The following RCOR1 variants were observed in gnomAD, a reference collection of about 807,000 sequenced individuals.
The protein encoded by RCOR1 is REST corepressor 1.
RCOR1 carries 12 observed loss-of-function variants against 64.0 expected under a neutral mutation model. The observed-to-expected ratio is 0.19, with a 90% CI of 0.12 to 0.30. The LOEUF (loss-of-function observed/expected upper bound fraction) is 0.30. Ranked by LOEUF, RCOR1 falls within the 10% of genes least tolerant of loss-of-function variation. The probability of loss-of-function intolerance (pLI) is 1.00; values close to 1 mark genes in which losing one functional copy is unlikely to be tolerated. For missense variants in RCOR1, 502 were observed against 621.2 expected, an observed-to-expected ratio of 0.81 and a Z score of 2.04; for synonymous variants, 279 against 227.2, an observed-to-expected ratio of 1.23 and a Z score of -2.05.
intron 2 of RCOR1, among the ~76,000 whole-genome samples, chr14:102,635,594 G>A (rs925047075): frequency 6.6e-5 from 10 of 152,100 alleles, no homozygotes; most frequent in Non-Finnish European, 1.3e-4. Flanking sequence ...TATTAAAATT[G>A]TATGCAATAA....
At chr14:102,636,400 C>G (rs1333258377) in intron 2 of RCOR1, among the ~76,000 whole-genome samples, 1 of 151,974 alleles carries the variant, frequency 6.6e-6, no homozygotes, top group Non-Finnish European at 1.5e-5. Flanking sequence ...GCCTCAGCCT[C>G]CCAAGTAGCT....
rs1011057252 is a variant in RCOR1 at position 102,601,137 on chromosome 14, G to A, written c.361+7812G>A. ...CCAGGCTGCAAAGGTTGCAGTGAGC[G>A]TAGATGGCACCACTGCACTCCAGCC... On this transcript the variant is annotated intron_variant, in intron 2 of 11. Coordinates refer to ENST00000262241, the MANE Select transcript of RCOR1 (RefSeq NM_015156.4). Among the ~76,000 whole-genome samples the A allele has an allele frequency of 6.6e-5, 10 of 151,974 alleles. No individual in the cohort carries two copies. The East Asian group carries it at 7.8e-4, about 12-fold the overall frequency.
Position 102,669,834 on chromosome 14 carries a change from A to G in RCOR1, c.362-12061A>G, listed in dbSNP as rs118118736. On this transcript the variant is annotated intron_variant, in intron 2 of 11. Coordinates refer to ENST00000262241, the MANE Select transcript of RCOR1 (RefSeq NM_015156.4). ...TTGATTACCCAACGTCAGAAGCCAA[A>G]AATTTTGGAGTCATAAAACGTTTTT... 6.6e-4 allele frequency among the ~76,000 whole-genome samples: 101 copies of G among 152,346 alleles called. No homozygotes were observed. The East Asian group carries it at 0.019, about 28-fold the overall frequency.
chr14:102,692,768 C>CTTTTTCT (rs1895563590), intron 3 of RCOR1, among the ~76,000 whole-genome samples: 1 of 111,928 alleles, frequency 8.9e-6, no homozygotes, highest in Non-Finnish European at 1.9e-5. Flanking sequence ...TTTTCTTTTT[C>CTTTTTCT]TTTTTTTTTT....
intron 7 of RCOR1, among the ~76,000 whole-genome samples, chr14:102,713,254 C>T (rs1322172397): frequency 3.4e-5 from 5 of 147,466 alleles, no homozygotes; most frequent in South Asian, 2.1e-4. Flanking sequence ...ACACCTGGCC[C>T]GTAGTTTCTT....
At chr14:102,598,312 T>G (rs1893308471) in intron 2 of RCOR1, among the ~76,000 whole-genome samples, 1 of 152,112 alleles carries the variant, frequency 6.6e-6, no homozygotes, top group Non-Finnish European at 1.5e-5. Context: ...CCTATTTAGG[T>G]TTGAAAGCAA....
At chr14:102,653,394 A>G (rs191247340) in intron 2 of RCOR1, among the ~76,000 whole-genome samples, 27 of 151,744 alleles carry the variant, frequency 1.8e-4, no homozygotes, top group Non-Finnish European at 3.2e-4. Flanking sequence ...AATTTTTTCT[A>G]TTTTTGGTAG....
rs1465124970 is a variant in RCOR1 at position 102,603,302 on chromosome 14, T to C, written c.361+9977T>C. ...TAGCTAAGTATCGATAAGAAAAGAG[T>C]GTCTTTTTATTTATTTTTTATTTGT... On this transcript the variant is annotated intron_variant, in intron 2 of 11. Coordinates refer to ENST00000262241, the MANE Select transcript of RCOR1 (RefSeq NM_015156.4). Among the ~76,000 whole-genome samples the C allele has an allele frequency of 2.0e-5, 3 of 151,142 alleles. No individual in the cohort carries two copies. The Admixed American group carries it at 2.0e-4, about 10-fold the overall frequency.
chr14:102,717,723 C>T (rs1358826011), intron 8 of RCOR1, among the ~76,000 whole-genome samples: 2 of 152,028 alleles, frequency 1.3e-5, no homozygotes, highest in African/African-American at 4.8e-5. Context: ...AAAAAGAGGC[C>T]TTCCTCTTGC....
chr14:102,643,198 C>T (rs544277678), intron 2 of RCOR1: 6 of 200,614 alleles, frequency 3.0e-5, no homozygotes, highest in African/African-American at 4.7e-5. Flanking sequence ...AGGAGAATGG[C>T]GTGAACCCGG....
chr14:102,675,553 A>C (rs1273705079), intron 2 of RCOR1, among the ~76,000 whole-genome samples: 1 of 152,196 alleles, frequency 6.6e-6, no homozygotes, highest in South Asian at 2.1e-4. Context: ...CCAAGTGACT[A>C]ATGGGCACAT....
chr14:102,715,847 C>T (rs1365837979), intron 8 of RCOR1, among the ~76,000 whole-genome samples: 1 of 152,202 alleles, frequency 6.6e-6, no homozygotes, highest in African/African-American at 2.4e-5. Context: ...TTTGTTTGCA[C>T]ATCAGCGTTT....
chr14:102,675,350 C>A (rs1035801547), intron 2 of RCOR1, among the ~76,000 whole-genome samples: 1 of 152,086 alleles, frequency 6.6e-6, no homozygotes, highest in Non-Finnish European at 1.5e-5. Flanking sequence ...TCTTCCTATG[C>A]ATACATACCT....
intron 2 of RCOR1, among the ~76,000 whole-genome samples, chr14:102,603,737 C>G (rs907661811): frequency 3.9e-5 from 6 of 152,106 alleles, no homozygotes; most frequent in African/African-American, 1.4e-4. Context: ...CCTCCCACCT[C>G]AGCTTCCGAG....
At chr14:102,708,280 T>G (rs2139984962) in intron 5 of RCOR1, among the ~76,000 whole-genome samples, 185 bp from the exon 6 acceptor site, 1 of 152,272 alleles carries the variant, frequency 6.6e-6, no homozygotes, top group South Asian at 2.1e-4. Context: ...TTTTGTATCT[T>G]TAGTAGAGAC....
intron 2 of RCOR1, among the ~76,000 whole-genome samples, chr14:102,645,722 A>G (rs1894466925): frequency 1.3e-5 from 2 of 152,224 alleles, no homozygotes; most frequent in Non-Finnish European, 2.9e-5. Context: ...GTGACTTAAA[A>G]TAATTCCGTG....
chr14:102,682,391 A>G (rs1365681477), intron 3 of RCOR1, among the ~76,000 whole-genome samples: 1 of 152,170 alleles, frequency 6.6e-6, no homozygotes. Context: ...TGGCCTCCCA[A>G]AATGTTGGGA....
At chr14:102,623,307 G>T (rs1893911918) in intron 2 of RCOR1, among the ~76,000 whole-genome samples, 1 of 151,738 alleles carries the variant, frequency 6.6e-6, no homozygotes, top group Non-Finnish European at 1.5e-5. Context: ...CCTTAGCTTG[G>T]TAATTGTGTG....
chr14:102,689,195 A>T (rs1895482180), intron 3 of RCOR1, among the ~76,000 whole-genome samples: 1 of 152,206 alleles, frequency 6.6e-6, no homozygotes. Context: ...CCTTTTACTG[A>T]CTTAGGAAAA....
Sources: gnomAD v4.1 joint callset for allele counts (sites outside exome capture counted in the v4.1 genomes callset) on GRCh38, gnomAD v4.1.1 for gene constraint, MANE v1.5 for transcripts, NCBI Gene and HGNC (gene_info 2026-07-23, HGNC 2026-07-21) for gene names.